The following TNS3 variants were observed in gnomAD, a reference collection of about 807,000 sequenced individuals.
TNS3 encodes tensin 3, also known as tensin-3.
TNS3 carries 45 observed loss-of-function variants against 140.9 expected under a neutral mutation model. The observed-to-expected ratio is 0.32, with a 90% confidence interval of 0.25 to 0.41. The LOEUF (loss-of-function observed/expected upper bound fraction) is 0.41, where lower values mean the gene tolerates loss of function less well. Among genes scored for constraint, TNS3 ranks in the 10% least tolerant of loss-of-function variants. The probability of loss-of-function intolerance (pLI) is 1.00; values close to 1 mark genes in which losing one functional copy is unlikely to be tolerated. For missense variants in TNS3, 1,716 were observed against 1,906.7 expected, an observed-to-expected ratio of 0.90 and a Z score of 1.86; for synonymous variants, 815 against 788.4, an observed-to-expected ratio of 1.03 and a Z score of -0.56.
At position 47,413,981 on chromosome 7, in the gene TNS3, C is replaced by G; in HGVS notation, c.603G>C (p.Leu201=). 1.2e-6 allele frequency: 2 copies of G among 1,613,828 alleles called. No individual in the cohort carries two copies. The highest frequency in any genetic ancestry group is 1.7e-6 in the Non-Finnish European group (2 of 1,179,988). Reference sequence around the variant, plus strand: ...CAGGCTGCATGGCTTGGTAGAGCTTCAGAAAGGGCCGGCACACTGAAAGAA... The same window carrying G: ...CAGGCTGCATGGCTTGGTAGAGCTTGAGAAAGGGCCGGCACACTGAAAGAA... ...FDTGGVCRPF[L]KLYQAMQPVY... Residue 201 remains leucine (L), a synonymous_variant, in exon 12 of 31, where the codon CTG becomes CTC. Transcript: ENST00000311160.
chr7:47,433,266 T>C (rs1795012897), intron 8 of TNS3, among the ~76,000 whole-genome samples: 1 of 152,260 alleles, frequency 6.6e-6, no homozygotes, highest in South Asian at 2.1e-4. Flanking sequence ...CCCGCAGTGA[T>C]GATGATGAAC....
intron 3 of TNS3, among the ~76,000 whole-genome samples, chr7:47,505,510 C>T (rs527945962): frequency 3.9e-5 from 6 of 152,290 alleles, no homozygotes; most frequent in African/African-American, 1.4e-4. Flanking sequence ...CCGAGAAGTG[C>T]ACCCCACATG....
chr7:47,302,381 C>A (rs1478141744), intron 22 of TNS3, 109 bp from the exon 23 acceptor site: 3 of 865,776 alleles, frequency 3.5e-6, no homozygotes, highest in Middle Eastern at 2.2e-4. Context: ...GGCAAGCAAG[C>A]GAGCGATGTT....
intron 20 of TNS3, among the ~76,000 whole-genome samples, chr7:47,331,813 C>A (rs1478396157): frequency 6.6e-6 from 1 of 152,192 alleles, no homozygotes; most frequent in African/African-American, 2.4e-5. Flanking sequence ...TACCATATAA[C>A]ATGTCTACAT....
Position 47,524,574 on chromosome 7 carries a change from G to A in TNS3, c.-153+4462C>T, listed in dbSNP as rs553809309. 3.1e-3 allele frequency among the ~76,000 whole-genome samples: 471 copies of A among 151,226 alleles called. 4 individuals are homozygous for A. The highest frequency in any genetic ancestry group is 0.011 in the African/African-American group (436 of 41,176). On this transcript the variant is annotated intron_variant, in intron 2 of 30. Coordinates refer to ENST00000311160, the MANE Select transcript of TNS3 (RefSeq NM_022748.12). ...TCCCAGCACTTTGGGAGGCCGAGGC[G>A]GGTGGATCATGAGGTCAGGAGATCG...
intron 17 of TNS3, among the ~76,000 whole-genome samples, chr7:47,355,576 A>G (rs756515312): frequency 6.6e-6 from 1 of 152,168 alleles, no homozygotes; most frequent in Admixed American, 6.5e-5. Flanking sequence ...TTCACCCCTG[A>G]GCAGTCTGAA....
chr7:47,288,453 T>G (rs930278333), intron 27 of TNS3, among the ~76,000 whole-genome samples: 7 of 152,256 alleles, frequency 4.6e-5, no homozygotes, highest in African/African-American at 1.4e-4. Context: ...TCAAATACAT[T>G]TTTAAAAGGT....
intron 18 of TNS3, 108 bp from the exon 19 acceptor site, chr7:47,345,146 CCT>C: frequency 1.3e-6 from 1 of 782,486 alleles, no homozygotes; most frequent in Non-Finnish European, 2.2e-6. Flanking sequence ...GCAAACCCCT[CCT>C]CTGACAGTAG....
Position 47,368,766 on chromosome 7 carries a change from G to A in TNS3, c.1880C>T (p.Pro627Leu), listed in dbSNP as rs755924390. 3 of 1,593,226 alleles carry A rather than the reference G, an allele frequency of 1.9e-6. No homozygotes were observed. The highest frequency in any genetic ancestry group is 2.6e-6 in the Non-Finnish European group (3 of 1,170,456). ...TCGGGTGGGGGTGAGTGGCACTCTG[G>A]GCTGGGCCTGGACGAGGCCAGGATT... is the stretch of plus-strand genomic sequence containing the variant. ...ADNPGLVQAQ[P>L]RVPLTPTRGT... Residue 627 changes from proline (P) to leucine (L), a missense_variant, in exon 17 of 31, where the codon CCC becomes CTC. Coordinates refer to ENST00000311160, the MANE Select transcript of TNS3 (RefSeq NM_022748.12).
chr7:47,492,664 T>C (rs1000992181), intron 3 of TNS3, among the ~76,000 whole-genome samples: 7 of 152,268 alleles, frequency 4.6e-5, no homozygotes, highest in African/African-American at 1.7e-4. Context: ...CCTCTGCTCC[T>C]GTGATTTTGT....
intron 1 of TNS3, among the ~76,000 whole-genome samples, chr7:47,537,461 C>A (rs1426961872): frequency 1.3e-5 from 2 of 152,062 alleles, no homozygotes; most frequent in African/African-American, 2.4e-5. Flanking sequence ...ACAGGCTGAG[C>A]CGCCAAACAC....
In TNS3 at chr7:47,368,264, G is replaced by A. The variant is rs547652842; in HGVS notation, c.2281+101C>T. 2.7e-4 allele frequency: 330 copies of A among 1,223,372 alleles called. No individual in the cohort carries two copies. In the African/African-American group the frequency reaches 4.3e-3, roughly 16 times the overall value. 75.8% of individuals were successfully genotyped at this position (1,223,372 alleles called of 1,614,324 possible). ...TGCAAGGGAAATGTCCCTCCCTTGT[G>A]GATTTCGCCAAAAGCTAACCTACTA... On this transcript the variant is annotated intron_variant, in intron 17 of 30. Coordinates refer to ENST00000311160, the MANE Select transcript of TNS3 (RefSeq NM_022748.12).
intron 20 of TNS3, among the ~76,000 whole-genome samples, chr7:47,314,701 G>A (rs569855043): frequency 2.0e-5 from 3 of 152,298 alleles, no homozygotes; most frequent in East Asian, 1.9e-4. Flanking sequence ...GTTGTGGGGC[G>A]ATCAGGTGCC....
intron 23 of TNS3, among the ~76,000 whole-genome samples, chr7:47,298,215 T>A (rs993940223): frequency 1.3e-5 from 2 of 152,176 alleles, no homozygotes; most frequent in African/African-American, 4.8e-5. Flanking sequence ...TGGCCCCCTA[T>A]CCCGTGGCTC....
chr7:47,371,998 T>G (rs2151168500), intron 16 of TNS3, among the ~76,000 whole-genome samples: 1 of 152,384 alleles, frequency 6.6e-6, no homozygotes, highest in Non-Finnish European at 1.5e-5. Flanking sequence ...TTATAGGCCC[T>G]GAGTAAACAT....
At chr7:47,296,978 G>C (rs759965547) in intron 24 of TNS3, 104 bp downstream of exon 24, 10 of 1,374,900 alleles carry the variant, frequency 7.3e-6, no homozygotes, top group Non-Finnish European at 9.9e-6. Flanking sequence ...AATAAAATTT[G>C]TGAGTATTGT....
chr7:47,344,928 C>A lies in TNS3; in HGVS notation c.2562G>T (p.Pro854=), dbSNP rs896371442. Residue 854 remains proline, a synonymous_variant, in exon 19 of 31, where the codon CCG becomes CCT. Transcript: ENST00000311160. ...CTAGTGTTACTTCATTCTTACCATA[C>A]GGTGTCTCTGGAGACACAGGAAATG... ...TPAFPVSPET[P]YVKTALRHPP... is the part of the protein sequence containing the mutation. The A allele has an allele frequency of 5.0e-6, 8 of 1,614,034 alleles. No homozygotes were observed. The highest frequency in any genetic ancestry group is 2.2e-5 in the East Asian group (1 of 44,886).
chr7:47,534,274 C>CA (rs1326569796), intron 1 of TNS3, among the ~76,000 whole-genome samples: 2 of 150,446 alleles, frequency 1.3e-5, no homozygotes, highest in South Asian at 2.1e-4. Flanking sequence ...GACTCCATCT[C>CA]AAAAAAAAGA....
intron 2 of TNS3, among the ~76,000 whole-genome samples, chr7:47,514,865 A>G (rs1584797373): frequency 1.3e-5 from 2 of 152,186 alleles, no homozygotes; most frequent in South Asian, 2.1e-4. Context: ...AGACTCACCC[A>G]TAACAGCACC....
Sources: allele counts gnomAD v4.1 joint callset (sites outside exome capture counted in the v4.1 genomes callset), GRCh38; gene constraint gnomAD v4.1.1; transcripts MANE v1.5; gene names NCBI Gene and HGNC (gene_info 2026-07-23, HGNC 2026-07-21).